PCDHGA8: variants seen among roughly 807,000 people sequenced by gnomAD.
The protein encoded by PCDHGA8 is protocadherin gamma-A8.
Under a neutral mutation model 59.2 loss-of-function variants are expected in PCDHGA8, and 45 were observed. The observed-to-expected ratio is 0.76, with a 90% confidence interval of 0.60 to 0.98. PCDHGA8 has a LOEUF of 0.98. Among genes scored for constraint, PCDHGA8 ranks in the 50% least tolerant of loss-of-function variants. The probability of loss-of-function intolerance (pLI) is 0.00; values close to 1 mark genes in which losing one functional copy is unlikely to be tolerated. For missense variants in PCDHGA8, 1,257 were observed against 1,196.2 expected, an observed-to-expected ratio of 1.05 and a Z score of -0.75; for synonymous variants, 531 against 519.0, an observed-to-expected ratio of 1.02 and a Z score of -0.32.
intron 1 of PCDHGA8, among the ~76,000 whole-genome samples, chr5:141,448,516 A>T (rs1210489939): frequency 3.9e-5 from 6 of 152,152 alleles, no homozygotes; most frequent in Non-Finnish European, 8.8e-5. Flanking sequence ...TTATAACTTT[A>T]TTAAGCATCC....
chr5:141,466,496 GCA>G (rs2099123596), intron 1 of PCDHGA8, among the ~76,000 whole-genome samples: 1 of 152,120 alleles, frequency 6.6e-6, no homozygotes. Context: ...TTTAATTAGA[GCA>G]CAGACAAGAT....
rs762476625 is a variant in PCDHGA8 at position 141,420,218 on chromosome 5, C to A, written c.2424+24981C>A. On this transcript the variant is annotated intron_variant, in intron 1 of 3. Coordinates refer to ENST00000398604, the MANE Select transcript of PCDHGA8 (RefSeq NM_032088.2). The stretch of plus-strand genomic sequence containing the variant: ...AGATAACCTCAACAAAGATAGCATG[C>A]TACTGGCTAGCATTTTAACTCCCAG... 4 of 1,608,408 alleles carry A rather than the reference C, an allele frequency of 2.5e-6. No individual in the cohort carries two copies. In the South Asian group the frequency reaches 4.4e-5, roughly 18 times the overall value.
At chr5:141,404,782 G>A in intron 1 of PCDHGA8, 1 of 1,613,964 alleles carries the variant, frequency 6.2e-7, no homozygotes. Context: ...GCCTATTCAA[G>A]GCCAGTGAGC....
Position 141,392,801 on chromosome 5 carries a change from C to A in PCDHGA8, c.-13C>A. 6.4e-7 allele frequency: 1 copy of A among 1,570,660 alleles called. No individual in the cohort carries two copies. The highest frequency in any genetic ancestry group is 1.9e-5 in the Admixed American group (1 of 52,596). ...CAGTGAAGATTCTGAGAGGATTCTG[C>A]AGCAAAACAACAATGGCCGCTCCAC... On this transcript the variant is annotated 5_prime_UTR_variant, in exon 1 of 4. Transcript: ENST00000398604.
chr5:141,443,307 C>A (rs1447607301), intron 1 of PCDHGA8, among the ~76,000 whole-genome samples: 1 of 136,584 alleles, frequency 7.3e-6, no homozygotes, highest in Non-Finnish European at 1.5e-5. Flanking sequence ...ATGGCAAAAA[C>A]CCATCTCTAC....
chr5:141,496,234 T>C (rs2154591884), intron 2 of PCDHGA8, among the ~76,000 whole-genome samples: 1 of 152,232 alleles, frequency 6.6e-6, no homozygotes, highest in Middle Eastern at 3.4e-3. Context: ...AGGAACCCCC[T>C]GCGGGCTGAA....
Position 141,432,826 on chromosome 5 carries a change from CACTCTGTACCT to C in PCDHGA8, c.2424+37590_2424+37600del, listed in dbSNP as rs1251102522. 6.2e-7 allele frequency: 1 copy of C among 1,614,096 alleles called. No homozygotes were observed. Among genetic ancestry groups the C allele is most frequent in the Non-Finnish European group, 8.5e-7 (1 of 1,180,020 alleles). On this transcript the variant is annotated intron_variant, in intron 1 of 3. Coordinates refer to ENST00000398604, the MANE Select transcript of PCDHGA8 (RefSeq NM_032088.2). This position sits in a 1 kb window ranked among gnomAD's most constrained non-coding sequence, Gnocchi z 6.0. Reference sequence around the variant, plus strand: ...CAGCTAACTCTGAAACCTCAGACCTCACTCTGTACCTGGTGGTAGCGGTGGCCGCGGTCTCC... The same window carrying C: ...CAGCTAACTCTGAAACCTCAGACCTCGGTGGTAGCGGTGGCCGCGGTCTCC...
At chr5:141,508,383 T>C (rs1169318572) in intron 3 of PCDHGA8, 1 of 152,236 alleles carries the variant, frequency 6.6e-6, no homozygotes, top group Non-Finnish European at 1.5e-5. Flanking sequence ...CTCAGATTTA[T>C]AGATGGGAAA....
At chr5:141,415,041 G>C in intron 1 of PCDHGA8, 2 of 1,613,530 alleles carry the variant, frequency 1.2e-6, no homozygotes, top group Non-Finnish European at 1.7e-6. Context: ...GACTCTTCGC[G>C]GTGGGGGAGC....
intron 1 of PCDHGA8, among the ~76,000 whole-genome samples, chr5:141,474,102 AAAC>A (rs909174523): frequency 2.6e-4 from 40 of 152,286 alleles, no homozygotes; most frequent in African/African-American, 8.7e-4. Flanking sequence ...ACAACAACAA[AAAC>A]AACAACAACG....
chr5:141,437,408 G>A (rs1591455458), intron 1 of PCDHGA8, among the ~76,000 whole-genome samples: 1 of 152,200 alleles, frequency 6.6e-6, no homozygotes, highest in Non-Finnish European at 1.5e-5. Flanking sequence ...CATTCCAGAA[G>A]TATTATGCTT....
chr5:141,476,180 C>T lies in PCDHGA8; in HGVS notation c.2425-18627C>T. The T allele has an allele frequency of 1.2e-6, 2 of 1,613,664 alleles. No individual in the cohort carries two copies. Among genetic ancestry groups the T allele is most frequent in the East Asian group, 4.5e-5 (2 of 44,838 alleles). On this transcript the variant is annotated intron_variant, in intron 1 of 3. Transcript: ENST00000398604. The surrounding 1 kb of genome is among the most constrained non-coding windows in gnomAD (Gnocchi z 7.6). ...CGGGAGGGTAGTGGGAGTTTTGCTT[C>T]TGCTTGGTGCCTTGAACAAGGCTTC...
At chr5:141,497,209 TG>T (rs11343387) in intron 2 of PCDHGA8, among the ~76,000 whole-genome samples, 90,704 of 151,262 alleles carry the variant, frequency 0.6, 29,397 homozygotes, top group African/African-American at 0.86. Context: ...GTGAGTGTAA[TG>T]GGGGGGGGAA....
In PCDHGA8 at chr5:141,409,393, T is replaced by C. The variant is rs539937433; in HGVS notation, c.2424+14156T>C. 4.8e-5 allele frequency: 77 copies of C among 1,614,062 alleles called. 1 individual carries two copies. In the East Asian group the frequency reaches 1.7e-3, roughly 35 times the overall value. On this transcript the variant is annotated intron_variant, in intron 1 of 3. Coordinates refer to ENST00000398604, the MANE Select transcript of PCDHGA8 (RefSeq NM_032088.2). ...ACATTCCATTCAAGATTTATTCTTC[T>C]TCCAATAACTACTACAAACTGGTGA...
rs2099745664 is a variant in PCDHGA8 at position 141,493,015 on chromosome 5, T to A, written c.2425-1792T>A. Among the ~76,000 whole-genome samples, 1 of 152,238 alleles carries A rather than the reference T, an allele frequency of 6.6e-6. No homozygotes were observed. The highest frequency in any genetic ancestry group is 1.5e-5 in the Non-Finnish European group (1 of 68,040). ...ATGGAAAGCTATAGGCTCTGCCAGA[T>A]GCCAGGGTGCCCTTATGTGTGAGGA... On this transcript the variant is annotated intron_variant, in intron 1 of 3. Transcript: ENST00000398604. The surrounding 1 kb of genome is among the most constrained non-coding windows in gnomAD (Gnocchi z 4.3).
At position 141,394,399 on chromosome 5, in the gene PCDHGA8, A is replaced by C; in HGVS notation, c.1586A>C (p.Gln529Pro). The change falls in exon 1 of 4, where the codon CAG (glutamine) becomes CCG (proline). Residue 529 changes from glutamine (Q) to proline (P), a missense_variant. Physicochemically the swap from Gln to Pro is moderately conservative, Grantham distance 76. Coordinates refer to ENST00000398604, the MANE Select transcript of PCDHGA8 (RefSeq NM_032088.2). ...GACTATGAGCAGATCCGAGACCTGC[A>C]GCTACTGGTAACAGCCAGCGACAGC... ...SFDYEQIRDLQLLVTASDSGD... is the reference protein window; with the variant it reads ...SFDYEQIRDLPLLVTASDSGD... The C allele has an allele frequency of 1.9e-6, 3 of 1,614,206 alleles. No homozygotes were observed. The highest frequency in any genetic ancestry group is 2.5e-6 in the Non-Finnish European group (3 of 1,180,036).
At chr5:141,500,721 ATG>A (rs1209024560) in intron 2 of PCDHGA8, among the ~76,000 whole-genome samples, 1 of 152,088 alleles carries the variant, frequency 6.6e-6, no homozygotes, top group African/African-American at 2.4e-5. Context: ...GAATTTCCCC[ATG>A]TCTTTCAAAA....
At chr5:141,422,966 C>A (rs762530904) in intron 1 of PCDHGA8, 1 of 1,614,112 alleles carries the variant, frequency 6.2e-7, no homozygotes, top group Admixed American at 1.7e-5. Flanking sequence ...GAGCTGGCGC[C>A]CCGCTCTGCG....
chr5:141,497,538 AC>A lies in PCDHGA8; in HGVS notation c.2483+2675del, dbSNP rs1247704872. Among the ~76,000 whole-genome samples, 601 of 142,636 alleles carry A rather than the reference AC, an allele frequency of 4.2e-3. 3 individuals are homozygous for A. Among genetic ancestry groups the A allele is most frequent in the African/African-American group, 0.013 (497 of 38,408 alleles). The allele number at this position is 142,636 out of a possible 152,430, so 93.6% of individuals were successfully genotyped here. On this transcript the variant is annotated intron_variant, in intron 2 of 3. Coordinates refer to ENST00000398604, the MANE Select transcript of PCDHGA8 (RefSeq NM_032088.2). ...AGTTAACTTGTGGAGGATGCAACAA[AC>A]CTTTTTTTTTTTTTTTTTTAGACAG...
Sources: allele counts gnomAD v4.1 joint callset (sites outside exome capture counted in the v4.1 genomes callset), GRCh38; gene constraint gnomAD v4.1.1; non-coding constraint Gnocchi (gnomAD v3.1); transcripts MANE v1.5; gene names NCBI Gene and HGNC (gene_info 2026-07-23, HGNC 2026-07-21).